Variants in HDAC9 observed in about 807,000 individuals in gnomAD.
HDAC9 encodes the protein histone deacetylase 9, also known as MEF-2 interacting transcription repressor (MITR) protein.
In HDAC9, 41 loss-of-function variants were observed where a neutral mutation model predicts 139.4. The observed-to-expected ratio is 0.29, with a 90% CI of 0.23 to 0.38. The LOEUF (loss-of-function observed/expected upper bound fraction) is 0.38. Among genes scored for constraint, HDAC9 ranks in the 10% least tolerant of loss-of-function variants. HDAC9 has a pLI of 1.00. For synonymous variants in HDAC9, 517 were observed against 476.2 expected (o/e 1.09, Z -1.12); for missense variants, 1,147 against 1,297.0 (o/e 0.88, Z 1.78).
At chr7:18,259,113 A>T (rs1795476421) in intron 2 of HDAC9, among the ~76,000 whole-genome samples, 1 of 150,728 alleles carries the variant, frequency 6.6e-6, no homozygotes, top group Non-Finnish European at 1.5e-5. Flanking sequence ...GGGATTACAG[A>T]CATGCGCCAC....
chr7:18,251,582 G>A (rs537427025), intron 2 of HDAC9, among the ~76,000 whole-genome samples: 5 of 152,244 alleles, frequency 3.3e-5, no homozygotes, highest in East Asian at 1.9e-4. Context: ...ATGGAGGGCA[G>A]GGAGATTCTA....
intron 12 of HDAC9, among the ~76,000 whole-genome samples, chr7:18,696,151 T>A (rs533691723): frequency 6.6e-6 from 1 of 152,032 alleles, no homozygotes; most frequent in Non-Finnish European, 1.5e-5. Context: ...TAGTGATCAC[T>A]AATAGGATAC....
chr7:18,386,651 T>A (rs1292600529), intron 1 of HDAC9, among the ~76,000 whole-genome samples: 1 of 152,166 alleles, frequency 6.6e-6, no homozygotes. Context: ...CCCCAGTCCC[T>A]TTTGTGCAGC....
At chr7:18,836,048 T>C in intron 21 of HDAC9, 51 bp downstream of exon 21, 3 of 959,884 alleles carry the variant, frequency 3.1e-6, no homozygotes, top group African/African-American at 1.6e-5. Context: ...TAAATGTCCA[T>C]TGAAATAACA....
At chr7:18,699,149 C>A (rs1436135827) in intron 12 of HDAC9, among the ~76,000 whole-genome samples, 1 of 152,110 alleles carries the variant, frequency 6.6e-6, no homozygotes, top group African/African-American at 2.4e-5. Context: ...CATTGAGAAC[C>A]AAGACTTCTG....
Position 18,648,574 on chromosome 7 carries a change from A to T in HDAC9, c.1358A>T (p.Gln453Leu), listed in dbSNP as rs779482985. The T allele has an allele frequency of 1.9e-6, 3 of 1,613,638 alleles. No individual in the cohort carries two copies. Among genetic ancestry groups the T allele is most frequent in the Non-Finnish European group, 2.5e-6 (3 of 1,179,742 alleles). ...LPRHRPLNRT[Q>L]SAPLPQSTLA... ...CGTCACAGACCCCTGAACCGAACCC[A>T]GTCTGCACCTTTGCCTCAGAGCACG... is the stretch of plus-strand genomic sequence containing the variant. The change falls in exon 11 of 26, where the codon CAG becomes CTG. Residue 453 changes from glutamine (Q) to leucine (L), a missense_variant. Physicochemically the swap from Gln to Leu is moderately radical, Grantham distance 113. This residue lies in a region of HDAC9 where 264 missense variants were observed against 273.8 expected (regional missense o/e 0.96). Transcript: ENST00000686413.
At chr7:18,720,816 G>A (rs1785090097) in intron 12 of HDAC9, among the ~76,000 whole-genome samples, 1 of 151,902 alleles carries the variant, frequency 6.6e-6, no homozygotes, top group Non-Finnish European at 1.5e-5. Context: ...TGGGACTACA[G>A]GCATTTGACA....
In HDAC9 at chr7:18,659,047, T is replaced by C. The variant is rs983291881; in HGVS notation, c.1468-7166T>C. ...AGTTTAATAATCATATTCAAACACT[T>C]GTATTTAATGGTATGTTGACAATGT... On this transcript the variant is annotated intron_variant, in intron 11 of 25. Coordinates refer to ENST00000686413, the MANE Select transcript of HDAC9 (RefSeq NM_178425.4). Among the ~76,000 whole-genome samples, 88 of 152,122 alleles carry C rather than the reference T, an allele frequency of 5.8e-4. 1 individual carries two copies. Among genetic ancestry groups the C allele is most frequent in the African/African-American group, 2.1e-3 (86 of 41,458 alleles).
Position 18,997,852 on chromosome 7 carries a change from T to A in HDAC9, c.*1790T>A, listed in dbSNP as rs1006180553. 7.2e-5 allele frequency: 11 copies of A among 152,182 alleles called. No individual in the cohort carries two copies. The highest frequency in any genetic ancestry group is 1.2e-4 in the African/African-American group (5 of 41,462). The allele number at this position is 152,182 out of a possible 1,614,324, so 9.4% of individuals were successfully genotyped here. A position where few individuals can be genotyped will look rare whatever the true frequency, so the allele number is the denominator to read the frequency against. On this transcript the variant is annotated 3_prime_UTR_variant, in exon 26 of 26. Coordinates refer to ENST00000686413, the MANE Select transcript of HDAC9 (RefSeq NM_178425.4). ...TATTACATATACAAAAATGGCTCAA[T>A]ACTTGGTTTAACTTCTTAGAAATTT...
At chr7:18,555,202 T>C (rs1216694972) in intron 2 of HDAC9, among the ~76,000 whole-genome samples, 1 of 152,224 alleles carries the variant, frequency 6.6e-6, no homozygotes, top group African/African-American at 2.4e-5. Flanking sequence ...GAAAGACATT[T>C]GGCAGTAGGT....
chr7:18,835,987 G>A lies in HDAC9; in HGVS notation c.2674G>A (p.Glu892Lys), dbSNP rs761985819. The change falls in exon 21 of 26, where the codon GAA becomes AAA. Residue 892 changes from glutamate (E) to lysine (K), a missense_variant. By Grantham distance (56) the Glu-to-Lys change is moderately conservative. This residue lies in a region of HDAC9 where 407 missense variants were observed against 521.5 expected (regional missense o/e 0.78). Transcript: ENST00000686413. ...DPPMGDVEYL[E>K]AFRTIVKPVA... Reference sequence around the variant, plus strand: ...TCCCATGGGAGATGTTGAGTACCTTGAAGCATTCAGGTTGGTACTTCTTTC... The same window carrying A: ...TCCCATGGGAGATGTTGAGTACCTTAAAGCATTCAGGTTGGTACTTCTTTC... The A allele has an allele frequency of 1.0e-5, 16 of 1,551,450 alleles. No individual in the cohort carries two copies. The highest frequency in any genetic ancestry group is 1.2e-5 in the Non-Finnish European group (14 of 1,143,286).
chr7:18,721,821 C>G (rs969689225), intron 12 of HDAC9, among the ~76,000 whole-genome samples: 1 of 152,114 alleles, frequency 6.6e-6, no homozygotes, highest in African/African-American at 2.4e-5. Context: ...GGGACCTTAG[C>G]ACTTCGTAGT....
chr7:18,596,550 G>A (rs952656932), intron 6 of HDAC9, among the ~76,000 whole-genome samples: 22 of 152,004 alleles, frequency 1.4e-4, no homozygotes, highest in Admixed American at 1.2e-3. Context: ...CAAACAAAGC[G>A]AACAATAAAA....
At chr7:18,426,425 T>G (rs1324976529) in intron 1 of HDAC9, among the ~76,000 whole-genome samples, 1 of 152,208 alleles carries the variant, frequency 6.6e-6, no homozygotes, top group Non-Finnish European at 1.5e-5. Flanking sequence ...ATACTTAATA[T>G]TAAATAGCAG....
chr7:18,165,274 C>G (rs1409731612), intron 2 of HDAC9, among the ~76,000 whole-genome samples: 1 of 152,042 alleles, frequency 6.6e-6, no homozygotes, highest in Non-Finnish European at 1.5e-5. Flanking sequence ...CGTGTGGTAG[C>G]CTGGGGGAAG....
chr7:18,350,186 A>G (rs1386002375), intron 1 of HDAC9, among the ~76,000 whole-genome samples: 2 of 152,202 alleles, frequency 1.3e-5, no homozygotes, highest in African/African-American at 4.8e-5. Context: ...TTAATAAATT[A>G]GAATTTATTT....
intron 1 of HDAC9, among the ~76,000 whole-genome samples, chr7:18,392,533 T>G (rs1786629061): frequency 6.6e-6 from 1 of 152,052 alleles, no homozygotes; most frequent in South Asian, 2.1e-4. Flanking sequence ...ATTCTTATAA[T>G]TATTATAATT....
At chr7:18,890,065 C>T (rs1800543441) in intron 22 of HDAC9, among the ~76,000 whole-genome samples, 1 of 152,162 alleles carries the variant, frequency 6.6e-6, no homozygotes, top group Non-Finnish European at 1.5e-5. Context: ...CCTTAATTTC[C>T]TCATATGCAA....
At chr7:18,284,228 A>C (rs1452897932) in intron 2 of HDAC9, among the ~76,000 whole-genome samples, 1 of 152,128 alleles carries the variant, frequency 6.6e-6, no homozygotes, top group Non-Finnish European at 1.5e-5. Context: ...CTTTACCTTT[A>C]AAGTCAATAG....
Sources: allele counts gnomAD v4.1 joint callset (sites outside exome capture counted in the v4.1 genomes callset), GRCh38; gene constraint gnomAD v4.1.1; regional missense constraint gnomAD v4.1.1; transcripts MANE v1.5; gene names NCBI Gene and HGNC (gene_info 2026-07-23, HGNC 2026-07-21).